PLCH2: variants seen among roughly 807,000 people sequenced by gnomAD.
The protein encoded by PLCH2 is 1-phosphatidylinositol 4,5-bisphosphate phosphodiesterase eta-2.
Under a neutral mutation model 134.7 loss-of-function variants are expected in PLCH2, and 98 were observed. The ratio of observed to expected loss-of-function variants is 0.73; its 90% confidence interval spans 0.62 to 0.86. The LOEUF is 0.86. PLCH2 is among the 40% of genes least tolerant of loss of function. The pLI is 0.00. For missense variants in PLCH2, 1,994 were observed against 1,986.6 expected (o/e 1.00, Z -0.07); for synonymous variants, 974 against 827.5 (o/e 1.18, Z -3.04).
In PLCH2 at chr1:2,498,339, G is replaced by A. The variant is rs1643008378; in HGVS notation, c.2225-184G>A. On this transcript the variant is annotated intron_variant, in intron 16 of 21. Coordinates refer to ENST00000378486, the MANE Select transcript of PLCH2 (RefSeq NM_014638.4). The surrounding 1 kb of genome is among the most constrained non-coding windows in gnomAD (Gnocchi z 5.4). ...CACATGCTGCGGTAGCCACAAAGGT[G>A]ATCCATACTGGGCCAGGTGCACCCC... The A allele has an allele frequency of 1.6e-6, 1 of 618,980 alleles. No homozygotes were observed. The highest frequency in any genetic ancestry group is 2.0e-5 in the South Asian group (1 of 50,266). 38.3% of individuals were successfully genotyped at this position (618,980 alleles called of 1,614,324 possible). A position where few individuals can be genotyped will look rare whatever the true frequency, so the allele number is the denominator to read the frequency against.
At chr1:2,419,146 G>A in the PLCH2 span, among the ~76,000 whole-genome samples, 51 of 152,218 alleles carry the variant, frequency 3.4e-4, no homozygotes, top group South Asian at 3.1e-3. Context: ...CGTGGGGCCC[G>A]TCCCAGGAGA....
rs371031554 is a variant in PLCH2 at position 2,496,828 on chromosome 1, C to T, written c.1934C>T (p.Ala645Val). The change falls in exon 15 of 22, where the codon GCG becomes GTG. Residue 645 changes from alanine (A) to valine (V), a missense_variant and splice_region_variant. Ala to Val is a moderately conservative substitution (Grantham distance 64). Coordinates refer to ENST00000378486, the MANE Select transcript of PLCH2 (RefSeq NM_014638.4). Reference sequence around the variant, plus strand: ...TGATGCCCGGTCACCGGCGCCACAGCGGCGTCCAGCTGGCAGGTGTCGTCC... The same window carrying T: ...TGATGCCCGGTCACCGGCGCCACAGTGGCGTCCAGCTGGCAGGTGTCGTCC... ...SVATHDIEME[A>V]ASSWQVSSFS... The T allele has an allele frequency of 6.2e-5, 100 of 1,611,662 alleles. No individual in the cohort carries two copies. The highest frequency in any genetic ancestry group is 3.1e-4 in the African/African-American group (23 of 75,058).
chr1:2,423,353 A>G (rs1057195146), upstream of PLCH2, among the ~76,000 whole-genome samples: 2 of 151,804 alleles, frequency 1.3e-5, no homozygotes, highest in African/African-American at 4.8e-5. Context: ...ACACCCAGCT[A>G]TTTTTTTTAA....
At chr1:2,486,595 G>C (rs994306787) in intron 5 of PLCH2, among the ~76,000 whole-genome samples, 2 of 152,240 alleles carry the variant, frequency 1.3e-5, no homozygotes, top group Admixed American at 1.3e-4. Context: ...TTGCTCTCCT[G>C]TACCCACCCA....
chr1:2,468,298 C>A (rs555504823), intron 1 of PLCH2, among the ~76,000 whole-genome samples: 1 of 152,396 alleles, frequency 6.6e-6, no homozygotes, highest in East Asian at 1.9e-4. Context: ...GCCCATCCCG[C>A]TCCGCTCCGG....
At chr1:2,499,844 C>T (rs1643119027) in intron 20 of PLCH2, 124 bp downstream of exon 20, 3 of 745,724 alleles carry the variant, frequency 4.0e-6, no homozygotes, top group African/African-American at 1.7e-5. Context: ...AGGGTCCCCT[C>T]CCCGGGCCTC....
intron 2 of PLCH2, among the ~76,000 whole-genome samples, chr1:2,438,384 G>A (rs564022179): frequency 5.3e-5 from 8 of 152,282 alleles, no homozygotes; most frequent in African/African-American, 9.6e-5. Flanking sequence ...CTGTGAGGCC[G>A]AGGGGCCCAG....
In PLCH2 at chr1:2,504,066, C is replaced by T. The variant is rs2100750227; in HGVS notation, c.3104C>T (p.Thr1035Ile). The T allele has an allele frequency of 2.6e-6, 4 of 1,549,074 alleles. No homozygotes were observed. The highest frequency in any genetic ancestry group is 2.4e-5 in the East Asian group (1 of 41,074). ...TCTCAGGGACGGCCCCCATACCCCA[C>T]AGGACCCGGAGCCAATGTGGCAAGC... Reference protein sequence around the residue: ...SSSQGRPPYPTGPGANVASPL... With the variant: ...SSSQGRPPYPIGPGANVASPL... The change falls in exon 22 of 22, where the codon ACA becomes ATA. Residue 1035 changes from threonine (T) to isoleucine (I), a missense_variant. This residue lies in a region of PLCH2 where 900 missense variants were observed against 752.3 expected (regional missense o/e 1.20). Transcript: ENST00000378486.
chr1:2,464,307 G>A (rs1408980834), upstream of PLCH2, among the ~76,000 whole-genome samples: 1 of 152,180 alleles, frequency 6.6e-6, no homozygotes, highest in Non-Finnish European at 1.5e-5. Context: ...TTCCATCCTT[G>A]GCTTTCTCTG....
At position 2,451,546 on chromosome 1, in the gene PLCH2, A is replaced by G. The variant is rs543284417; in HGVS notation, c.115+20917A>G. Among the ~76,000 whole-genome samples, 9 of 152,232 alleles carry G rather than the reference A, an allele frequency of 5.9e-5. No homozygotes were observed. The South Asian group carries it at 1.9e-3, about 32-fold the overall frequency. On this transcript the variant is annotated intron_variant, in intron 2 of 3. Transcript: ENST00000609981. Reference sequence around the variant, plus strand: ...TGGCTCCAAGGGCCACCGTGAGGCCAGAGAGCCGCGACCCACCAACATGTC... The same window carrying G: ...TGGCTCCAAGGGCCACCGTGAGGCCGGAGAGCCGCGACCCACCAACATGTC...
intron 1 of PLCH2, chr1:2,467,686 G>A: frequency 2.5e-6 from 1 of 406,306 alleles, no homozygotes; most frequent in Non-Finnish European, 4.4e-6. Context: ...TGGGATCCCA[G>A]AAGGGGGTTG....
chr1:2,505,459 T>C lies in PLCH2; in HGVS notation c.*246T>C, dbSNP rs551739917. ...GCAGTTTTCCCGGCGTTTTAGGATC[T>C]GTACATAGAGAAATATTTAAATTTT... On this transcript the variant is annotated 3_prime_UTR_variant, in exon 22 of 22. Coordinates refer to ENST00000378486, the MANE Select transcript of PLCH2 (RefSeq NM_014638.4). 7.1e-6 allele frequency: 4 copies of C among 565,610 alleles called. No individual in the cohort carries two copies. The highest frequency in any genetic ancestry group is 1.2e-5 in the Non-Finnish European group (4 of 321,730). 35.0% of individuals were successfully genotyped at this position (565,610 alleles called of 1,614,324 possible).
rs752593286 is a variant in PLCH2 at position 2,499,199 on chromosome 1, G to C, written c.2550G>C (p.Gln850His). Residue 850 changes from glutamine to histidine, a missense_variant, in exon 19 of 22, where the codon CAG becomes CAC. Gln to His is a conservative substitution (Grantham distance 24, BLOSUM62 0). This residue lies in a region of PLCH2 where 1,094 missense variants were observed against 1,234.3 expected (regional missense o/e 0.89). Transcript: ENST00000378486. Reference protein sequence around the residue: ...HDPIGRDFIGQRTLAFSSMMP... With the variant: ...HDPIGRDFIGHRTLAFSSMMP... Reference sequence around the variant, plus strand: ...CCATCGGGCGTGACTTCATTGGCCAGAGGACGCTGGCCTTCAGCAGCATGA... The same window carrying C: ...CCATCGGGCGTGACTTCATTGGCCACAGGACGCTGGCCTTCAGCAGCATGA... The C allele has an allele frequency of 2.0e-5, 33 of 1,612,976 alleles. No homozygotes were observed. The highest frequency in any genetic ancestry group is 2.6e-5 in the Non-Finnish European group (31 of 1,179,808).
intron 11 of PLCH2, among the ~76,000 whole-genome samples, chr1:2,492,813 C>T (rs939575214): frequency 6.6e-6 from 1 of 152,108 alleles, no homozygotes; most frequent in Non-Finnish European, 1.5e-5. Context: ...GCCGGTGTCC[C>T]CTCTGCCCAT....
Position 2,432,687 on chromosome 1 carries a change from G to A in PLCH2, c.115+2058G>A, listed in dbSNP as rs560467521. The stretch of plus-strand genomic sequence containing the variant: ...ACAGTGCACTCTCCAGGCTCTGGGA[G>A]CCTTCACTCCTGATCCCTGAGCCTC... On this transcript the variant is annotated intron_variant, in intron 2 of 3. Transcript: ENST00000609981. Among the ~76,000 whole-genome samples, 11 of 152,308 alleles carry A rather than the reference G, an allele frequency of 7.2e-5. No homozygotes were observed. The East Asian group carries it at 9.7e-4, about 13-fold the overall frequency.
At chr1:2,460,760 C>T (rs1436718935) in intron 2 of PLCH2, among the ~76,000 whole-genome samples, 2 of 152,124 alleles carry the variant, frequency 1.3e-5, no homozygotes, top group African/African-American at 4.8e-5. Context: ...CTGTGGGGGC[C>T]TTTGACCAGC....
In PLCH2 at chr1:2,484,453, G is replaced by A. The variant is rs374203904; in HGVS notation, c.651G>A (p.Ala217=). 1.2e-5 allele frequency: 19 copies of A among 1,613,012 alleles called. No homozygotes were observed. The highest frequency in any genetic ancestry group is 1.7e-5 in the Admixed American group (1 of 59,960). Reference sequence around the variant, plus strand: ...CCCAAGGCCTTGCATTGCAGGAAGCGGACACGGATGACCACCAAGGGACGC... The same window carrying A: ...CCCAAGGCCTTGCATTGCAGGAAGCAGACACGGATGACCACCAAGGGACGC... ...RQRVKQMFRE[A]DTDDHQGTLG... is the part of the protein sequence containing the mutation. Residue 217 remains alanine (A), a synonymous_variant, in exon 5 of 22, where the codon GCG becomes GCA. Coordinates refer to ENST00000378486, the MANE Select transcript of PLCH2 (RefSeq NM_014638.4).
chr1:2,488,868 C>G (rs141748073), intron 8 of PLCH2, among the ~76,000 whole-genome samples: 2,432 of 152,282 alleles, frequency 0.016, 29 homozygotes, highest in Non-Finnish European at 0.024. Flanking sequence ...TTGGTTTTGT[C>G]CACATCATTT....
intron 2 of PLCH2, among the ~76,000 whole-genome samples, chr1:2,451,456 C>CAGCT (rs1299863634): frequency 6.6e-6 from 1 of 152,198 alleles, no homozygotes; most frequent in Non-Finnish European, 1.5e-5. Flanking sequence ...CAGTGCTGCC[C>CAGCT]AGCTAACCCC....
Sources: allele counts gnomAD v4.1 joint callset (sites outside exome capture counted in the v4.1 genomes callset), GRCh38; gene constraint gnomAD v4.1.1; regional missense constraint gnomAD v4.1.1; non-coding constraint Gnocchi (gnomAD v3.1); transcripts MANE v1.5; gene names NCBI Gene and HGNC (gene_info 2026-07-23, HGNC 2026-07-21).